Variants in CCBE1 observed in about 807,000 individuals in gnomAD.
CCBE1 encodes the protein collagen and calcium binding EGF domains 1.
Under a neutral mutation model 50.0 loss-of-function variants are expected in CCBE1, and 37 were observed. The observed-to-expected ratio is 0.74, with a 90% CI of 0.57 to 0.97. CCBE1 has a LOEUF of 0.97. CCBE1 is among the 50% of genes least tolerant of loss of function. The probability of loss-of-function intolerance (pLI) is 0.00; values close to 1 mark genes in which losing one functional copy is unlikely to be tolerated. For synonymous variants in CCBE1, 234 were observed against 203.7 expected (o/e 1.15, Z -1.27); for missense variants, 538 against 523.8 (o/e 1.03, Z -0.26).
chr18:59,478,314 C>G (rs1380516975), intron 3 of CCBE1, among the ~76,000 whole-genome samples: 1 of 152,176 alleles, frequency 6.6e-6, no homozygotes, highest in African/African-American at 2.4e-5. Context: ...GGTTCTATTT[C>G]TCTGGAGAAC....
In CCBE1 at chr18:59,469,569, A is replaced by C; in HGVS notation, c.304T>G (p.Cys102Gly). ...AGCACTCGGCCAAAGTTGTCCGTGCACTGCTGTTCACAGGGAGCCTCGGCA... is the reference window on the plus strand; with the variant it reads ...AGCACTCGGCCAAAGTTGTCCGTGCCCTGCTGTTCACAGGGAGCCTCGGCA... Reference protein sequence around the residue: ...VCAEAPCEQQCTDNFGRVLCT... With the variant: ...VCAEAPCEQQGTDNFGRVLCT... The change falls in exon 4 of 11, where the codon TGC becomes GGC. Residue 102 changes from cysteine to glycine, a missense_variant. Transcript: ENST00000439986. 1 of 1,614,182 alleles carries C rather than the reference A, an allele frequency of 6.2e-7. No individual in the cohort carries two copies. The highest frequency in any genetic ancestry group is 8.5e-7 in the Non-Finnish European group (1 of 1,180,036).
At chr18:59,592,149 A>G (rs756387948) in intron 2 of CCBE1, among the ~76,000 whole-genome samples, 12 of 152,316 alleles carry the variant, frequency 7.9e-5, no homozygotes, top group Non-Finnish European at 1.5e-4. Flanking sequence ...ACTTGAGCCT[A>G]TGAGTTCAAG....
In CCBE1 at chr18:59,524,627, C is replaced by G. The variant is rs115138645; in HGVS notation, c.213-44389G>C. Among the ~76,000 whole-genome samples, 487 of 152,248 alleles carry G rather than the reference C, an allele frequency of 3.2e-3. 3 individuals are homozygous for G. The highest frequency in any genetic ancestry group is 0.011 in the African/African-American group (469 of 41,542). ...TTACCTTTTTTAAAGTTCCAAGATA[C>G]ATGTGCGAGATGTGCAGGTTTGTTA... On this transcript the variant is annotated intron_variant, in intron 2 of 10. Transcript: ENST00000439986.
intron 7 of CCBE1, among the ~76,000 whole-genome samples, chr18:59,444,358 G>A (rs946120412): frequency 6.6e-6 from 1 of 152,002 alleles, no homozygotes; most frequent in Non-Finnish European, 1.5e-5. Context: ...GGCTGGCCTC[G>A]AACTCCTGAG....
At chr18:59,446,278 C>T (rs1326599023) in intron 7 of CCBE1, among the ~76,000 whole-genome samples, 1 of 152,236 alleles carries the variant, frequency 6.6e-6, no homozygotes, top group Non-Finnish European at 1.5e-5. Flanking sequence ...GACTCCCCTG[C>T]TCCTACAGTT....
chr18:59,688,071 G>A (rs975263278), intron 2 of CCBE1: 17 of 152,118 alleles, frequency 1.1e-4, no homozygotes, highest in Non-Finnish European at 1.9e-4. Flanking sequence ...AACTGATTCC[G>A]AATACCTTCA....
chr18:59,648,682 A>G (rs1738191499), intron 2 of CCBE1, among the ~76,000 whole-genome samples: 1 of 152,180 alleles, frequency 6.6e-6, no homozygotes, highest in Admixed American at 6.5e-5. Flanking sequence ...AGCCTGGGCA[A>G]CAGAGCAAGA....
chr18:59,683,663 A>T (rs1473520833), intron 2 of CCBE1, among the ~76,000 whole-genome samples: 1 of 152,042 alleles, frequency 6.6e-6, no homozygotes, highest in Non-Finnish European at 1.5e-5. Context: ...GCATCACTGT[A>T]CTCCAGCCTG....
intron 2 of CCBE1, among the ~76,000 whole-genome samples, chr18:59,500,438 G>A (rs572693900): frequency 2.4e-4 from 36 of 152,264 alleles, no homozygotes; most frequent in African/African-American, 7.9e-4. Context: ...CTGCTGAAGC[G>A]TGTGCTGAAC....
intron 3 of CCBE1, among the ~76,000 whole-genome samples, chr18:59,476,158 C>T (rs905707809): frequency 1.3e-5 from 2 of 152,158 alleles, no homozygotes; most frequent in Admixed American, 1.3e-4. Context: ...CTTTATGCCT[C>T]AGCTCCTACA....
At chr18:59,666,181 A>C (rs2054353626) in intron 2 of CCBE1, 2 of 152,218 alleles carry the variant, frequency 1.3e-5, no homozygotes, top group African/African-American at 4.8e-5. Flanking sequence ...TGTGATAGCA[A>C]GCTCCTGTTT....
chr18:59,662,523 C>T (rs547681286), intron 2 of CCBE1, among the ~76,000 whole-genome samples: 3 of 152,172 alleles, frequency 2.0e-5, no homozygotes, highest in Non-Finnish European at 2.9e-5. Context: ...AGGTTCCTTC[C>T]TCACTGCAAT....
intron 2 of CCBE1, among the ~76,000 whole-genome samples, chr18:59,635,739 A>G (rs756179510): frequency 3.4e-5 from 5 of 148,184 alleles, no homozygotes; most frequent in Non-Finnish European, 6.0e-5. Flanking sequence ...TTTTAGATTA[A>G]AAAAAAAAAG....
intron 2 of CCBE1, among the ~76,000 whole-genome samples, chr18:59,610,555 C>T (rs139602348): frequency 2.2e-4 from 34 of 152,206 alleles, no homozygotes; most frequent in African/African-American, 7.9e-4. Context: ...TTCTGGAATC[C>T]ACCAGAATAT....
intron 2 of CCBE1, among the ~76,000 whole-genome samples, chr18:59,678,226 C>CA (rs1490758434): frequency 6.6e-6 from 1 of 152,110 alleles, no homozygotes; most frequent in African/African-American, 2.4e-5. Flanking sequence ...GCGATGGAGG[C>CA]AAAAACCAAA....
Position 59,633,115 on chromosome 18 carries a change from G to A in CCBE1, c.212+63514C>T, listed in dbSNP as rs528790019. ...CACAGCTCTCAATAACTCACACTTT[G>A]GGAGCTCGCAGGGAGAGTATCTTGT... On this transcript the variant is annotated intron_variant, in intron 2 of 10. Transcript: ENST00000439986. Among the ~76,000 whole-genome samples the A allele has an allele frequency of 1.3e-4, 20 of 152,324 alleles. 1 individual carries two copies. In the South Asian group the frequency reaches 4.1e-3, roughly 32 times the overall value.
At chr18:59,588,041 T>C (rs541824380) in intron 2 of CCBE1, among the ~76,000 whole-genome samples, 2 of 152,232 alleles carry the variant, frequency 1.3e-5, no homozygotes, top group Non-Finnish European at 2.9e-5. Flanking sequence ...TATACATATG[T>C]TGGTTCTTAA....
chr18:59,469,361 T>C, intron 4 of CCBE1, 112 bp downstream of exon 4: 1 of 1,420,040 alleles, frequency 7.0e-7, no homozygotes, highest in South Asian at 1.2e-5. Context: ...TAGGATAATA[T>C]CAAACACAAC....
intron 2 of CCBE1, among the ~76,000 whole-genome samples, chr18:59,579,054 A>T (rs190230357): frequency 7.9e-5 from 12 of 152,352 alleles, no homozygotes. Context: ...GACAGATTTC[A>T]GCCCCAGTGA....
Sources: gnomAD v4.1 joint callset for allele counts (sites outside exome capture counted in the v4.1 genomes callset) on GRCh38, gnomAD v4.1.1 for gene constraint, MANE v1.5 for transcripts, NCBI Gene and HGNC (gene_info 2026-07-23, HGNC 2026-07-21) for gene names.